The following PALM2AKAP2 variants were observed in gnomAD, a reference collection of about 807,000 sequenced individuals.
The protein encoded by PALM2AKAP2 is PALM2 and AKAP2 fusion.
Under a neutral mutation model 71.5 loss-of-function variants are expected in PALM2AKAP2, and 37 were observed. The observed-to-expected ratio is 0.52, with a 90% CI of 0.40 to 0.68. The LOEUF is 0.68. Ranked by LOEUF, PALM2AKAP2 falls within the 30% of genes least tolerant of loss-of-function variation. PALM2AKAP2 has a pLI of 0.00. For synonymous variants in PALM2AKAP2, 468 were observed against 478.8 expected (o/e 0.98, Z 0.29); for missense variants, 1,224 against 1,191.8 (o/e 1.03, Z -0.40).
upstream of PALM2AKAP2, among the ~76,000 whole-genome samples, chr9:109,777,370 A>G (rs1470846139): frequency 6.6e-6 from 1 of 152,076 alleles, no homozygotes; most frequent in Non-Finnish European, 1.5e-5. Flanking sequence ...TTTTGACTGT[A>G]TCTTTGGCCT....
At chr9:109,701,615 A>G (rs1487044283) in intron 1 of PALM2AKAP2, among the ~76,000 whole-genome samples, 3 of 152,250 alleles carry the variant, frequency 2.0e-5, no homozygotes, top group African/African-American at 4.8e-5. Flanking sequence ...GAAGACTTAA[A>G]TGGTAGACCT....
At chr9:110,063,559 C>T (rs1040210339) in intron 1 of PALM2AKAP2, among the ~76,000 whole-genome samples, 3 of 152,036 alleles carry the variant, frequency 2.0e-5, no homozygotes, top group Admixed American at 6.5e-5. Context: ...CCTGCCTCAG[C>T]CTCCCAAGTA....
At chr9:110,118,007 G>A (rs1564314586) in intron 1 of PALM2AKAP2, among the ~76,000 whole-genome samples, 1 of 150,876 alleles carries the variant, frequency 6.6e-6, no homozygotes, top group Non-Finnish European at 1.5e-5. Context: ...GTGTGTGTGT[G>A]TGTATGTAGT....
chr9:109,994,065 C>T (rs947398947), intron 6 of PALM2AKAP2, among the ~76,000 whole-genome samples: 35 of 152,212 alleles, frequency 2.3e-4, no homozygotes, highest in African/African-American at 7.2e-4. Flanking sequence ...AGGGTAAGGA[C>T]GGGAAAGAAA....
At chr9:110,065,912 T>TC (rs1469744021) in intron 1 of PALM2AKAP2, among the ~76,000 whole-genome samples, 1 of 152,218 alleles carries the variant, frequency 6.6e-6, no homozygotes, top group African/African-American at 2.4e-5. Context: ...TTGAATAATG[T>TC]CCCATTGTGT....
intron 1 of PALM2AKAP2, chr9:110,125,554 G>A (rs774599223): frequency 7.1e-6 from 7 of 985,546 alleles, no homozygotes; most frequent in Non-Finnish European, 8.4e-6. Context: ...CTGGAAAAAG[G>A]CAGTTCTCAC....
chr9:109,956,930 C>T (rs1241580636), intron 6 of PALM2AKAP2, among the ~76,000 whole-genome samples: 1 of 152,156 alleles, frequency 6.6e-6, no homozygotes, highest in Non-Finnish European at 1.5e-5. Flanking sequence ...CCCAATTCCT[C>T]GTTTCAAAGA....
At chr9:109,912,746 T>C (rs1450491501) in intron 3 of PALM2AKAP2, among the ~76,000 whole-genome samples, 1 of 152,102 alleles carries the variant, frequency 6.6e-6, no homozygotes, top group African/African-American at 2.4e-5. Context: ...ACAGATAAGA[T>C]AGATAGATCG....
intron 7 of PALM2AKAP2, among the ~76,000 whole-genome samples, chr9:110,028,256 A>C (rs918614355): frequency 2.0e-5 from 3 of 152,244 alleles, no homozygotes; most frequent in African/African-American, 7.2e-5. Context: ...TTGTCAAATA[A>C]AATAAATGTG....
At chr9:109,868,837 G>A (rs576131745) in intron 2 of PALM2AKAP2, among the ~76,000 whole-genome samples, 30 of 152,104 alleles carry the variant, frequency 2.0e-4, no homozygotes, top group African/African-American at 6.5e-4. Flanking sequence ...CTGTATCCCC[G>A]GTGCTGTTGC....
intron 3 of PALM2AKAP2, among the ~76,000 whole-genome samples, chr9:109,882,116 C>G (rs1225209492): frequency 6.6e-6 from 1 of 152,038 alleles, no homozygotes; most frequent in East Asian, 1.9e-4. Flanking sequence ...ATCTCTTGAC[C>G]TTGTGATCCA....
intron 1 of PALM2AKAP2, among the ~76,000 whole-genome samples, chr9:109,750,586 G>GTGTGTA (rs1828873281): frequency 6.6e-6 from 1 of 151,444 alleles, no homozygotes. Flanking sequence ...GTGTGTGTGT[G>GTGTGTA]TGTGTGTGTG....
At chr9:109,825,838 A>G (rs1263359694) in intron 1 of PALM2AKAP2, among the ~76,000 whole-genome samples, 1 of 152,210 alleles carries the variant, frequency 6.6e-6, no homozygotes, top group Non-Finnish European at 1.5e-5. Context: ...TAGAAATACC[A>G]TTTGACCCAG....
At chr9:109,976,260 CAG>C (rs1564242040) in intron 6 of PALM2AKAP2, among the ~76,000 whole-genome samples, 1 of 152,232 alleles carries the variant, frequency 6.6e-6, no homozygotes, top group Non-Finnish European at 1.5e-5. Context: ...CTATCATTAG[CAG>C]TTTACACATA....
chr9:109,776,562 T>A (rs1829351109), upstream of PALM2AKAP2, among the ~76,000 whole-genome samples: 1 of 152,260 alleles, frequency 6.6e-6, no homozygotes, highest in South Asian at 2.1e-4. Context: ...CATGCCTGAC[T>A]GAGCCGAGAT....
intron 1 of PALM2AKAP2, chr9:109,765,591 G>T (rs1316824082): frequency 6.5e-6 from 1 of 152,902 alleles, no homozygotes; most frequent in Non-Finnish European, 1.5e-5. Context: ...TCCTGATATA[G>T]TTAGTCTGGA....
chr9:109,764,483 T>C (rs147562563), intron 1 of PALM2AKAP2, among the ~76,000 whole-genome samples: 109 of 152,268 alleles, frequency 7.2e-4, no homozygotes, highest in Non-Finnish European at 9.4e-4. Context: ...TCTTATTTCA[T>C]CTCCTCTGAG....
chr9:109,643,156 T>G (rs905087373), intron 1 of PALM2AKAP2, among the ~76,000 whole-genome samples: 4 of 151,854 alleles, frequency 2.6e-5, no homozygotes, highest in African/African-American at 9.7e-5. Flanking sequence ...TGAAGGGCAA[T>G]TGAGAGTAAC....
intron 1 of PALM2AKAP2, among the ~76,000 whole-genome samples, chr9:109,741,989 G>A (rs1042075356): frequency 2.0e-5 from 3 of 152,126 alleles, no homozygotes; most frequent in Non-Finnish European, 4.4e-5. Context: ...CATATTAGAT[G>A]TTTATTGCAC....
Sources: gnomAD v4.1 joint callset for allele counts (sites outside exome capture counted in the v4.1 genomes callset) on GRCh38, gnomAD v4.1.1 for gene constraint, MANE v1.5 for transcripts, NCBI Gene and HGNC (gene_info 2026-07-23, HGNC 2026-07-21) for gene names.